The following KLF13 variants were observed in gnomAD, a reference collection of about 807,000 sequenced individuals.
KLF13 encodes KLF transcription factor 13, also known as Krueppel-like factor 13.
KLF13 carries 8 observed loss-of-function variants against 16.7 expected under a neutral mutation model. That is an observed-to-expected ratio of 0.48 (90% CI 0.28 to 0.87). The LOEUF is 0.87. Among genes scored for constraint, KLF13 ranks in the 40% least tolerant of loss-of-function variants. KLF13 has a pLI of 0.10. For missense variants in KLF13, 447 were observed against 452.2 expected, an observed-to-expected ratio of 0.99 and a Z score of 0.10; for synonymous variants, 245 against 208.4, an observed-to-expected ratio of 1.18 and a Z score of -1.51.
At chr15:31,357,095 A>G (rs752942815) in intron 1 of KLF13, among the ~76,000 whole-genome samples, 15 of 151,820 alleles carry the variant, frequency 9.9e-5, no homozygotes, top group Admixed American at 2.6e-4. Context: ...TTCTCTCCCA[A>G]CCCTGCTATT....
At chr15:31,388,517 C>A (rs1197571655), upstream of KLF13, among the ~76,000 whole-genome samples, 1 of 150,440 alleles carries the variant, frequency 6.6e-6, no homozygotes. Flanking sequence ...ACTCAGGAGG[C>A]TGAGGCAGGA....
intron 1 of KLF13, among the ~76,000 whole-genome samples, chr15:31,341,537 C>CTTTTTT (rs34870652): frequency 8.2e-6 from 1 of 121,484 alleles, no homozygotes; most frequent in Non-Finnish European, 1.7e-5. Context: ...CAATTCAGAA[C>CTTTTTT]TTTTTTTTTT....
At chr15:31,412,272 T>C (rs573387993) in intron 1 of KLF13, among the ~76,000 whole-genome samples, 1 of 152,362 alleles carries the variant, frequency 6.6e-6, no homozygotes, top group East Asian at 1.9e-4. Context: ...ACTTTCTAAT[T>C]ACCAGAACTG....
chr15:31,348,995 A>G (rs1005946640), intron 1 of KLF13, among the ~76,000 whole-genome samples: 5 of 152,136 alleles, frequency 3.3e-5, no homozygotes, highest in Admixed American at 3.3e-4. Context: ...TCATGACATT[A>G]TCACCTTCCA....
intron 1 of KLF13, among the ~76,000 whole-genome samples, chr15:31,329,702 A>G (rs569034082): frequency 1.1e-3 from 165 of 152,370 alleles, no homozygotes; most frequent in Non-Finnish European, 2.1e-3. Flanking sequence ...AGGCAGGCAA[A>G]AGAGCACGGG....
At chr15:31,342,098 T>C (rs548513361) in intron 1 of KLF13, among the ~76,000 whole-genome samples, 5 of 152,226 alleles carry the variant, frequency 3.3e-5, no homozygotes, top group African/African-American at 9.6e-5. Flanking sequence ...AACTGAAACC[T>C]CAACCTCAAG....
chr15:31,349,122 A>G (rs550419375), intron 1 of KLF13, among the ~76,000 whole-genome samples: 1 of 152,282 alleles, frequency 6.6e-6, no homozygotes, highest in African/African-American at 2.4e-5. Context: ...TAACCACGGA[A>G]GGCAGATGGC....
In KLF13 at chr15:31,373,325, A is replaced by C. The variant is rs2039587475; in HGVS notation, c.*1026A>C. 1 of 152,282 alleles carries C rather than the reference A, an allele frequency of 6.6e-6. No homozygotes were observed. The highest frequency in any genetic ancestry group is 1.5e-5 in the Non-Finnish European group (1 of 68,050). The allele number at this position is 152,282 out of a possible 1,614,324, so 9.4% of individuals were successfully genotyped here. A position where few individuals can be genotyped will look rare whatever the true frequency, so the allele number is the denominator to read the frequency against. On this transcript the variant is annotated 3_prime_UTR_variant, in exon 2 of 2. Transcript: ENST00000307145. The stretch of plus-strand genomic sequence containing the variant: ...TGAGCGGCTGTGCATGTGGCAGCGC[A>C]CCATGCTTCACAGAGACCATTCTGT...
downstream of KLF13, among the ~76,000 whole-genome samples, chr15:31,379,713 A>C (rs1377272053): frequency 6.6e-6 from 1 of 152,212 alleles, no homozygotes. Flanking sequence ...GTCACAAAGC[A>C]GTTTCGGGTG....
downstream of KLF13, among the ~76,000 whole-genome samples, chr15:31,409,106 G>A (rs1427489447): frequency 3.9e-5 from 6 of 152,114 alleles, no homozygotes; most frequent in South Asian, 2.1e-4. Flanking sequence ...CCAATGTGGC[G>A]AAAACCTGTC....
At chr15:31,332,587 C>T (rs573560670) in intron 1 of KLF13, among the ~76,000 whole-genome samples, 1 of 152,340 alleles carries the variant, frequency 6.6e-6, no homozygotes, top group Admixed American at 6.5e-5. Context: ...AAACCAGTAG[C>T]CTGTGTCTGG....
At chr15:31,405,319 A>C (rs2040109491), downstream of KLF13, among the ~76,000 whole-genome samples, 1 of 152,216 alleles carries the variant, frequency 6.6e-6, no homozygotes. Flanking sequence ...GTCTCAAAAA[A>C]ACAGAAGGAA....
intron 1 of KLF13, chr15:31,420,639 G>C (rs936076962): frequency 2.2e-4 from 85 of 393,014 alleles, no homozygotes; most frequent in African/African-American, 1.7e-3. Context: ...ATTCAAAGCA[G>C]GTTACCAGCC....
intron 1 of KLF13, among the ~76,000 whole-genome samples, chr15:31,354,950 A>C (rs1361551191): frequency 6.6e-6 from 1 of 152,228 alleles, no homozygotes; most frequent in African/African-American, 2.4e-5. Flanking sequence ...CAAAAAATCC[A>C]AAGCCTGAAG....
At chr15:31,393,240 C>G (rs1035524119) in exon 1 of KLF13, 1 of 152,368 alleles carries the variant, frequency 6.6e-6, no homozygotes, top group Non-Finnish European at 1.5e-5. Flanking sequence ...GACCTCCTAG[C>G]GGCATGCAGC....
intron 1 of KLF13, among the ~76,000 whole-genome samples, chr15:31,345,850 G>C (rs74010617): frequency 1.2e-4 from 18 of 152,128 alleles, no homozygotes; most frequent in Non-Finnish European, 2.2e-4. Context: ...TCAGTTTACC[G>C]GGGGCAAATG....
At position 31,375,043 on chromosome 15, in the gene KLF13, T is replaced by C; in HGVS notation, c.*2744T>C. 6.6e-6 allele frequency: 1 copy of C among 152,590 alleles called. No individual in the cohort carries two copies. The highest frequency in any genetic ancestry group is 2.1e-4 in the South Asian group (1 of 4,824). The allele number at this position is 152,590 out of a possible 1,614,324, so 9.5% of individuals were successfully genotyped here. A position where few individuals can be genotyped will look rare whatever the true frequency, so the allele number is the denominator to read the frequency against. Reference sequence around the variant, plus strand: ...TCTTCATTCCCAAAGTGGTTCTCGTTTAATGGCAGGGTGCGGTCCTTAGGC... The same window carrying C: ...TCTTCATTCCCAAAGTGGTTCTCGTCTAATGGCAGGGTGCGGTCCTTAGGC... On this transcript the variant is annotated 3_prime_UTR_variant, in exon 2 of 2. Transcript: ENST00000307145.
chr15:31,352,196 C>G (rs112007633), intron 1 of KLF13, among the ~76,000 whole-genome samples: 3 of 152,230 alleles, frequency 2.0e-5, no homozygotes, highest in Admixed American at 1.3e-4. Context: ...GAATAGGCCT[C>G]CCCTGGACAC....
chr15:31,419,640 G>A (rs2040298186), intron 1 of KLF13, among the ~76,000 whole-genome samples: 1 of 152,122 alleles, frequency 6.6e-6, no homozygotes, highest in Non-Finnish European at 1.5e-5. Context: ...AAGAATAAAG[G>A]ATTAGTAAAA....
Sources: allele counts gnomAD v4.1 joint callset (sites outside exome capture counted in the v4.1 genomes callset), GRCh38; gene constraint gnomAD v4.1.1; transcripts MANE v1.5; gene names NCBI Gene and HGNC (gene_info 2026-07-23, HGNC 2026-07-21).